The following SAP130 variants were observed in gnomAD, a reference collection of about 807,000 sequenced individuals.
SAP130 encodes Sin3A associated protein 130.
In SAP130, 16 loss-of-function variants were observed where a neutral mutation model predicts 103.2. That is an observed-to-expected ratio of 0.16 (90% CI 0.10 to 0.24). SAP130 has a LOEUF of 0.24. SAP130 is among the 10% of genes least tolerant of loss of function. SAP130 has a pLI of 1.00. For missense variants in SAP130, 990 were observed against 1,359.7 expected (o/e 0.73, Z 4.28); for synonymous variants, 477 against 497.0 (o/e 0.96, Z 0.53).
At chr2:128,026,389 G>A in intron 1 of SAP130, 91 bp from the exon 2 acceptor site, 1 of 855,608 alleles carries the variant, frequency 1.2e-6, no homozygotes, top group Non-Finnish European at 1.9e-6. Context: ...CTATGAGATA[G>A]TCCCTTGGAA....
At chr2:127,974,159 C>T (rs1005016394) in intron 15 of SAP130, among the ~76,000 whole-genome samples, 3 of 152,214 alleles carry the variant, frequency 2.0e-5, no homozygotes, top group African/African-American at 2.4e-5. Context: ...CACCCTTGCT[C>T]TGCTGCAGTT....
chr2:127,949,945 A>T lies in SAP130; in HGVS notation c.2721T>A (p.Thr907=), dbSNP rs755630949. 1 of 1,614,164 alleles carries T rather than the reference A, an allele frequency of 6.2e-7. No individual in the cohort carries two copies. The highest frequency in any genetic ancestry group is 8.5e-7 in the Non-Finnish European group (1 of 1,180,030). Residue 907 remains threonine (T), a synonymous_variant, in exon 18 of 21, where the codon ACT becomes ACA. Coordinates refer to ENST00000643581, the MANE Select transcript of SAP130 (RefSeq NM_001330301.2). ...AGGGGTTCCGATAGTGACGAAGCAA[A>T]GTAATGGGGGGTCTTGGACGCACTG... ...YVPVRPRPPI[T]LLRHYRNPWK...
chr2:128,021,643 T>C (rs1685171802), intron 2 of SAP130, among the ~76,000 whole-genome samples: 1 of 152,176 alleles, frequency 6.6e-6, no homozygotes, highest in Non-Finnish European at 1.5e-5. Flanking sequence ...TTTTTACAAA[T>C]ATCCTCAGCA....
chr2:128,025,523 G>A (rs1407381327), intron 2 of SAP130, among the ~76,000 whole-genome samples: 3 of 152,112 alleles, frequency 2.0e-5, no homozygotes, highest in Non-Finnish European at 4.4e-5. Context: ...TATTCAGGGG[G>A]GGAAAAAAAC....
At position 127,989,424 on chromosome 2, in the gene SAP130, TA is replaced by T; in HGVS notation, c.1780+139del. On this transcript the variant is annotated intron_variant, in intron 13 of 20. Coordinates refer to ENST00000643581, the MANE Select transcript of SAP130 (RefSeq NM_001330301.2). The surrounding 1 kb of genome is among the most constrained non-coding windows in gnomAD (Gnocchi z 4.6). ...ACAGTGACCCTGAAACTCTAAGTTC[TA>T]AGCAACTCATATTATTAATACAAAG... 1.3e-6 allele frequency: 1 copy of T among 763,968 alleles called. No homozygotes were observed. Among genetic ancestry groups the T allele is most frequent in the Non-Finnish European group, 2.1e-6 (1 of 483,106 alleles). The allele number at this position is 763,968 out of a possible 1,614,324, so 47.3% of individuals were successfully genotyped here.
chr2:127,944,546 C>T (rs1244389082), intron 19 of SAP130, among the ~76,000 whole-genome samples: 1 of 151,956 alleles, frequency 6.6e-6, no homozygotes, highest in African/African-American at 2.4e-5. Flanking sequence ...TCTCCTACCT[C>T]AGCCTCCCGA....
rs555309360 is a variant in SAP130, at chr2:127,996,881, T to C, written c.1214-390A>G. Among the ~76,000 whole-genome samples the C allele has an allele frequency of 6.6e-6, 1 of 152,178 alleles. No homozygotes were observed. The highest frequency in any genetic ancestry group is 1.5e-5 in the Non-Finnish European group (1 of 68,004). ...ACAGTGAGCCATGACTGCACCACTA[T>C]ACTCCAGCCTCACTCACAGACTGGG... is the stretch of plus-strand genomic sequence containing the variant. On this transcript the variant is annotated intron_variant, in intron 10 of 20. Coordinates refer to ENST00000643581, the MANE Select transcript of SAP130 (RefSeq NM_001330301.2). This position sits in a 1 kb window ranked among gnomAD's most constrained non-coding sequence, Gnocchi z 4.3.
In SAP130 at chr2:127,989,497, G is replaced by C. The variant is rs1303885103; in HGVS notation, c.1780+67C>G. ...ATAAGACGACAAAGCCAGTGGCAGA[G>C]AAAGGATTTAAACCCAAATGTATTT... On this transcript the variant is annotated intron_variant, in intron 13 of 20. Coordinates refer to ENST00000643581, the MANE Select transcript of SAP130 (RefSeq NM_001330301.2). This position sits in a 1 kb window ranked among gnomAD's most constrained non-coding sequence, Gnocchi z 4.6. 4 of 1,401,958 alleles carry C rather than the reference G, an allele frequency of 2.9e-6. No homozygotes were observed. Among genetic ancestry groups the C allele is most frequent in the Middle Eastern group, 1.8e-4 (1 of 5,466 alleles). The allele number at this position is 1,401,958 out of a possible 1,614,324, so 86.8% of individuals were successfully genotyped here.
intron 16 of SAP130, among the ~76,000 whole-genome samples, chr2:127,950,841 A>G (rs750815739): frequency 2.0e-5 from 3 of 152,196 alleles, no homozygotes; most frequent in Non-Finnish European, 2.9e-5. Context: ...CTGAATTAAG[A>G]GCATGAAGGT....
chr2:128,010,303 T>A lies in SAP130; in HGVS notation c.835A>T (p.Thr279Ser). The A allele has an allele frequency of 6.2e-7, 1 of 1,613,940 alleles. No individual in the cohort carries two copies. Among genetic ancestry groups the A allele is most frequent in the Non-Finnish European group, 8.5e-7 (1 of 1,179,962 alleles). The change falls in exon 7 of 21, where the codon ACG (threonine) becomes TCG (serine). Residue 279 changes from threonine (T) to serine (S), a missense_variant. Transcript: ENST00000643581. ...ATRAQSPVIT[T>S]TAAHATDSAL... ...GAATCAGTAGCATGCGCCGCTGTCG[T>A]AGTGATGACTGGAGACTGAGCTCTG...
At chr2:128,016,096 G>A (rs989525526) in intron 4 of SAP130, among the ~76,000 whole-genome samples, 8 of 151,692 alleles carry the variant, frequency 5.3e-5, no homozygotes, top group South Asian at 2.1e-4. Context: ...ACCGGACTCC[G>A]GACTCCTCAA....
intron 15 of SAP130, among the ~76,000 whole-genome samples, chr2:127,971,572 C>T (rs1681096311): frequency 6.6e-6 from 1 of 152,236 alleles, no homozygotes; most frequent in Admixed American, 6.5e-5. Context: ...CAGGCATGAG[C>T]CACCGTGCCC....
At chr2:127,977,116 T>C (rs1681516993) in intron 15 of SAP130, among the ~76,000 whole-genome samples, 1 of 152,182 alleles carries the variant, frequency 6.6e-6, no homozygotes, top group South Asian at 2.1e-4. Context: ...ATTTTCACTT[T>C]ATACTTTAAG....
chr2:127,977,909 C>A, intron 15 of SAP130, 76 bp downstream of exon 15: 1 of 1,086,424 alleles, frequency 9.2e-7, no homozygotes, highest in Non-Finnish European at 1.4e-6. Flanking sequence ...CTATGTCATG[C>A]AGGAATATTA....
intron 3 of SAP130, 25 bp from the exon 4 acceptor site, chr2:128,016,572 C>T (rs780269035): frequency 1.2e-4 from 187 of 1,599,380 alleles, no homozygotes; most frequent in African/African-American, 8.1e-5. Flanking sequence ...CCACACAAAA[C>T]ATATCAATGG....
chr2:127,997,282 A>G (rs1049047388), intron 10 of SAP130, among the ~76,000 whole-genome samples: 15 of 152,246 alleles, frequency 9.9e-5, no homozygotes, highest in African/African-American at 3.6e-4. Flanking sequence ...TATTTTTTAT[A>G]GATCTATCTA....
At chr2:127,956,033 G>A (rs1044257540) in intron 15 of SAP130, among the ~76,000 whole-genome samples, 1 of 150,716 alleles carries the variant, frequency 6.6e-6, no homozygotes, top group African/African-American at 2.4e-5. Flanking sequence ...TTATTTTTCT[G>A]TTTTTTTTTC....
Position 128,017,732 on chromosome 2 carries a change from G to A in SAP130, c.296C>T (p.Pro99Leu), listed in dbSNP as rs756535827. 3.1e-6 allele frequency: 5 copies of A among 1,614,188 alleles called. No homozygotes were observed. Among genetic ancestry groups the A allele is most frequent in the Non-Finnish European group, 4.2e-6 (5 of 1,180,030 alleles). The stretch of plus-strand genomic sequence containing the variant: ...TGGCACTGCTGGCGTCAGGTGTGCT[G>A]GCGGGGCTGTCACTGCAACAGGTGT... ...SATPVAVTAP[P>L]AHLTPAVPLS... is the part of the protein sequence containing the mutation. The change falls in exon 3 of 21, where the codon CCA becomes CTA. Residue 99 changes from proline to leucine, a missense_variant. Physicochemically the swap from Pro to Leu is moderately conservative, Grantham distance 98. Transcript: ENST00000643581.
intron 6 of SAP130, among the ~76,000 whole-genome samples, chr2:128,010,889 A>G (rs1684343051): frequency 6.6e-6 from 1 of 151,392 alleles, no homozygotes; most frequent in Non-Finnish European, 1.5e-5. Flanking sequence ...AAAAAAAAAA[A>G]GACTAAGAGT....
Sources: gnomAD v4.1 joint callset for allele counts (sites outside exome capture counted in the v4.1 genomes callset) on GRCh38, gnomAD v4.1.1 for gene constraint, Gnocchi (gnomAD v3.1) non-coding constraint, MANE v1.5 for transcripts, NCBI Gene and HGNC (gene_info 2026-07-23, HGNC 2026-07-21) for gene names.